The following SLC9A9 variants were observed in gnomAD, a reference collection of about 807,000 sequenced individuals.
SLC9A9 encodes solute carrier family 9 member A9, also known as sodium/hydrogen exchanger 9.
A neutral mutation model predicts 77.8 loss-of-function variants in SLC9A9; 62 were observed. That is an observed-to-expected ratio of 0.80 (90% CI 0.65 to 0.98). The LOEUF (loss-of-function observed/expected upper bound fraction) is 0.98. SLC9A9 is among the 50% of genes least tolerant of loss of function. SLC9A9 has a pLI of 0.00. For missense variants in SLC9A9, 775 were observed against 774.9 expected, an observed-to-expected ratio of 1.00 and a Z score of 0.00; for synonymous variants, 320 against 283.5, an observed-to-expected ratio of 1.13 and a Z score of -1.29.
At chr3:143,831,118 A>G (rs2108888465) in intron 2 of SLC9A9, among the ~76,000 whole-genome samples, 1 of 152,292 alleles carries the variant, frequency 6.6e-6, no homozygotes, top group South Asian at 2.1e-4. Flanking sequence ...AAAATGGAAA[A>G]AAAAAGGTGT....
At chr3:143,511,035 C>A (rs375746533) in intron 9 of SLC9A9, among the ~76,000 whole-genome samples, 1 of 152,174 alleles carries the variant, frequency 6.6e-6, no homozygotes, top group East Asian at 1.9e-4. Context: ...TCTTCAGATC[C>A]TCCATCTTCC....
At chr3:143,355,492 CTT>C (rs2032562282) in intron 14 of SLC9A9, among the ~76,000 whole-genome samples, 1 of 152,210 alleles carries the variant, frequency 6.6e-6, no homozygotes, top group Admixed American at 6.5e-5. Context: ...GGTTAAATAA[CTT>C]TCCTAAAATT....
At chr3:143,710,918 C>G (rs115702375) in intron 4 of SLC9A9, among the ~76,000 whole-genome samples, 2 of 152,182 alleles carry the variant, frequency 1.3e-5, no homozygotes, top group Admixed American at 1.3e-4. Context: ...ATGCAACTCT[C>G]TGGATTTTCC....
chr3:143,586,465 C>T (rs1378467695), intron 6 of SLC9A9, among the ~76,000 whole-genome samples: 1 of 152,106 alleles, frequency 6.6e-6, no homozygotes, highest in East Asian at 1.9e-4. Flanking sequence ...GTAAAACCTG[C>T]TCTGTTTTTT....
intron 14 of SLC9A9, among the ~76,000 whole-genome samples, chr3:143,346,606 G>C (rs532780333): frequency 3.3e-4 from 50 of 152,176 alleles, no homozygotes; most frequent in African/African-American, 1.2e-3. Flanking sequence ...TGGCCAACAT[G>C]GTGAAACCCC....
At chr3:143,627,365 A>G in intron 6 of SLC9A9, 1 of 213,118 alleles carries the variant, frequency 4.7e-6, no homozygotes, top group Non-Finnish European at 1.0e-5. Flanking sequence ...ATTGCTTGGC[A>G]GCAGCAATCA....
intron 9 of SLC9A9, among the ~76,000 whole-genome samples, chr3:143,506,445 C>G (rs1372670079): frequency 1.3e-5 from 2 of 152,122 alleles, no homozygotes; most frequent in Non-Finnish European, 1.5e-5. Flanking sequence ...TCTCCTATTT[C>G]TTTGGTTCAC....
intron 11 of SLC9A9, among the ~76,000 whole-genome samples, chr3:143,488,201 T>G (rs2035682797): frequency 6.6e-6 from 1 of 151,832 alleles, no homozygotes; most frequent in East Asian, 1.9e-4. Flanking sequence ...GATTAAAGCA[T>G]GAAGAAATGA....
chr3:143,625,673 C>T (rs2038309462), intron 6 of SLC9A9, among the ~76,000 whole-genome samples: 1 of 152,190 alleles, frequency 6.6e-6, no homozygotes, highest in South Asian at 2.1e-4. Context: ...TAGAAGAAAA[C>T]CTAGGCAATA....
intron 4 of SLC9A9, among the ~76,000 whole-genome samples, chr3:143,784,254 C>A (rs2007974113): frequency 3.3e-5 from 5 of 152,170 alleles, no homozygotes; most frequent in African/African-American, 1.2e-4. Context: ...AGTGAGTCAT[C>A]CTATCTCCCT....
chr3:143,554,584 C>T (rs2036947542), intron 8 of SLC9A9, among the ~76,000 whole-genome samples: 1 of 152,164 alleles, frequency 6.6e-6, no homozygotes, highest in Admixed American at 6.5e-5. Flanking sequence ...CATGGTAGCC[C>T]CTAGCAATAA....
chr3:143,499,806 G>A (rs1383927347), intron 9 of SLC9A9, among the ~76,000 whole-genome samples: 2 of 152,040 alleles, frequency 1.3e-5, no homozygotes, highest in African/African-American at 4.8e-5. Flanking sequence ...TTTATAAAAT[G>A]TTTTTCCTTT....
intron 4 of SLC9A9, among the ~76,000 whole-genome samples, chr3:143,758,388 C>A (rs2006999975): frequency 6.6e-6 from 1 of 152,150 alleles, no homozygotes; most frequent in Admixed American, 6.6e-5. Context: ...CATCAATTCT[C>A]AAAATTGGGC....
intron 3 of SLC9A9, among the ~76,000 whole-genome samples, chr3:143,796,046 G>A (rs144384042): frequency 6.6e-6 from 1 of 152,260 alleles, no homozygotes; most frequent in East Asian, 1.9e-4. Flanking sequence ...TCCTAGAGTG[G>A]GAGCTGAGCA....
intron 8 of SLC9A9, among the ~76,000 whole-genome samples, chr3:143,561,144 G>T (rs1175513482): frequency 6.6e-6 from 1 of 152,172 alleles, no homozygotes; most frequent in Admixed American, 6.6e-5. Flanking sequence ...TTGTGCCATT[G>T]TACTCCAGCC....
At chr3:143,359,204 C>A (rs551942640) in intron 14 of SLC9A9, among the ~76,000 whole-genome samples, 1 of 152,186 alleles carries the variant, frequency 6.6e-6, no homozygotes, top group Admixed American at 6.5e-5. Context: ...TTAATTGATT[C>A]ATTCATTCCT....
chr3:143,477,070 A>C (rs1383491533), intron 11 of SLC9A9, among the ~76,000 whole-genome samples: 1 of 152,142 alleles, frequency 6.6e-6, no homozygotes, highest in East Asian at 1.9e-4. Flanking sequence ...TATCCACCAA[A>C]ATCTATTCTT....
chr3:143,400,158 C>T (rs984754251), intron 12 of SLC9A9, among the ~76,000 whole-genome samples: 2 of 152,036 alleles, frequency 1.3e-5, no homozygotes, highest in African/African-American at 4.8e-5. Context: ...GATACCCACA[C>T]AAAATAATAA....
At chr3:143,565,881 T>C (rs2037159964) in intron 8 of SLC9A9, among the ~76,000 whole-genome samples, 1 of 152,144 alleles carries the variant, frequency 6.6e-6, no homozygotes, top group South Asian at 2.1e-4. Context: ...AGATTTGTTT[T>C]GAGAAACAAT....
Sources: allele counts gnomAD v4.1 joint callset (sites outside exome capture counted in the v4.1 genomes callset), GRCh38; gene constraint gnomAD v4.1.1; transcripts MANE v1.5; gene names NCBI Gene and HGNC (gene_info 2026-07-23, HGNC 2026-07-21).